KMT2B: variants seen among roughly 807,000 people sequenced by gnomAD.
The protein encoded by KMT2B is lysine methyltransferase 2B, also known as histone-lysine N-methyltransferase 2B.
In KMT2B, 22 loss-of-function variants were observed where a neutral mutation model predicts 255.3. That is an observed-to-expected ratio of 0.09 (90% CI 0.06 to 0.12). The LOEUF (loss-of-function observed/expected upper bound fraction) is 0.12. Among genes scored for constraint, KMT2B ranks in the 10% least tolerant of loss-of-function variants. The pLI, the probability that KMT2B is intolerant of heterozygous loss-of-function variation, is 1.00. For synonymous variants in KMT2B, 1,730 were observed against 1,498.1 expected, an observed-to-expected ratio of 1.15 and a Z score of -3.57; for missense variants, 3,149 against 3,737.0, an observed-to-expected ratio of 0.84 and a Z score of 4.10.
Position 35,719,451 on chromosome 19 carries a change from C to G in KMT2B, c.364-18C>G, listed in dbSNP as rs772084249. 1 of 1,564,472 alleles carries G rather than the reference C, an allele frequency of 6.4e-7. No individual in the cohort carries two copies. Among genetic ancestry groups the G allele is most frequent in the African/African-American group, 1.4e-5 (1 of 73,678 alleles). ...ACTGACTGCTGTTTCTCCCCTCCAC[C>G]CCGGTCCCCTAAATCAGGAGTTTCA... is the stretch of plus-strand genomic sequence containing the variant. On this transcript the variant is annotated intron_variant, in intron 1 of 36. Coordinates refer to ENST00000420124, the MANE Select transcript of KMT2B (RefSeq NM_014727.3).
At position 35,727,605 on chromosome 19, in the gene KMT2B, C is replaced by T. The variant is rs1969513318; in HGVS notation, c.4285C>T (p.Leu1429=). 1.2e-6 allele frequency: 2 copies of T among 1,607,328 alleles called. No homozygotes were observed. Among genetic ancestry groups the T allele is most frequent in the African/African-American group, 1.3e-5 (1 of 74,840 alleles). Residue 1429 remains leucine, a synonymous_variant, in exon 16 of 37, where the codon CTG becomes TTG. Coordinates refer to ENST00000420124, the MANE Select transcript of KMT2B (RefSeq NM_014727.3). The surrounding 1 kb of genome is among the most constrained non-coding windows in gnomAD (Gnocchi z 4.2). ...GCTGAGCTCCAAGGTGGTGGGCCCA[C>T]TGCTGCTCTGCACCCAGGTCTGGAG... ...GLLSSKVVGP[L]LLCTQCGPDG...
At chr19:35,726,467 G>C (rs1259063550) in intron 14 of KMT2B, 114 bp downstream of exon 14, 3 of 721,618 alleles carry the variant, frequency 4.2e-6, no homozygotes, top group Non-Finnish European at 5.0e-6. Context: ...TGTAGCTATG[G>C]GACTATCTCT....
At chr19:35,728,628 G>C (rs1969562225) in intron 19 of KMT2B, 146 bp from the exon 20 acceptor site, 3 of 664,598 alleles carry the variant, frequency 4.5e-6, no homozygotes, top group Non-Finnish European at 8.2e-6. Context: ...TGGCACAAGA[G>C]GGCCTGGCTT....
In KMT2B at chr19:35,727,057, T is replaced by C. The variant is rs1482048121; in HGVS notation, c.4004-99T>C. On this transcript the variant is annotated intron_variant, in intron 14 of 36. Transcript: ENST00000420124. This position sits in a 1 kb window ranked among gnomAD's most constrained non-coding sequence, Gnocchi z 4.2. ...CTAGTAGGGGCCCAAAACAGGGGCATAGTGGAGGCAGCTAAGGTACTGCTA... is the reference window on the plus strand; with the variant it reads ...CTAGTAGGGGCCCAAAACAGGGGCACAGTGGAGGCAGCTAAGGTACTGCTA... The C allele has an allele frequency of 1.5e-6, 1 of 684,734 alleles. No individual in the cohort carries two copies. Among genetic ancestry groups the C allele is most frequent in the Non-Finnish European group, 2.5e-6 (1 of 406,800 alleles). 42.4% of individuals were successfully genotyped at this position (684,734 alleles called of 1,614,324 possible).
chr19:35,738,775 T>C lies in KMT2B; in HGVS notation c.*218T>C, dbSNP rs1051627364. 19 of 598,554 alleles carry C rather than the reference T, an allele frequency of 3.2e-5. No individual in the cohort carries two copies. The highest frequency in any genetic ancestry group is 7.4e-5 in the African/African-American group (4 of 53,890). The allele number at this position is 598,554 out of a possible 1,614,324, so 37.1% of individuals were successfully genotyped here. A position where few individuals can be genotyped will look rare whatever the true frequency, so the allele number is the denominator to read the frequency against. ...GCCCTGGGGGCCCAGGATGTAGATA[T>C]TGTACAAAGGTTTCTAAATCCCTTC... On this transcript the variant is annotated 3_prime_UTR_variant, in exon 37 of 37. Coordinates refer to ENST00000420124, the MANE Select transcript of KMT2B (RefSeq NM_014727.3). The surrounding 1 kb of genome is among the most constrained non-coding windows in gnomAD (Gnocchi z 8.7).
Position 35,721,598 on chromosome 19 carries a change from C to A in KMT2B, c.2251C>A (p.Gln751Lys). 6.2e-7 allele frequency: 1 copy of A among 1,612,546 alleles called. No homozygotes were observed. Among genetic ancestry groups the A allele is most frequent in the East Asian group, 2.2e-5 (1 of 44,858 alleles). ...GGCCTTGCAAACCCAGCTCCTGCCC[C>A]AGGCACTACCGCCACCACAGCCACA... ...LQALQTQLLPQALPPPQPQLQ... is the reference protein window; with the variant it reads ...LQALQTQLLPKALPPPQPQLQ... The change falls in exon 3 of 37, where the codon CAG (glutamine) becomes AAG (lysine). Residue 751 changes from glutamine to lysine, a missense_variant. By Grantham distance (53) the Gln-to-Lys change is moderately conservative. This residue lies in a region of KMT2B where 1,188 missense variants were observed against 1,106.4 expected (regional missense o/e 1.07). Coordinates refer to ENST00000420124, the MANE Select transcript of KMT2B (RefSeq NM_014727.3).
At chr19:35,726,701 A>G (rs963838904) in intron 14 of KMT2B, among the ~76,000 whole-genome samples, 1 of 152,172 alleles carries the variant, frequency 6.6e-6, no homozygotes, top group African/African-American at 2.4e-5. Flanking sequence ...CCTCATCCTA[A>G]GGCCGAGCAC....
Position 35,737,802 on chromosome 19 carries a change from G to C in KMT2B, c.7659-57G>C, listed in dbSNP as rs993263728. On this transcript the variant is annotated intron_variant, in intron 34 of 36. Transcript: ENST00000420124. This position sits in a 1 kb window ranked among gnomAD's most constrained non-coding sequence, Gnocchi z 5.3. ...CTGGAAGGGTCTTAGAGAGTGAGCA[G>C]GGGTGAGAGAGGTCATTCTGAGCAC... 3 of 1,548,968 alleles carry C rather than the reference G, an allele frequency of 1.9e-6. No homozygotes were observed. The highest frequency in any genetic ancestry group is 2.4e-5 in the South Asian group (2 of 84,250).
Position 35,737,861 on chromosome 19 carries a change from G to A in KMT2B, c.7661G>A (p.Arg2554His), listed in dbSNP as rs1377607028. The A allele has an allele frequency of 6.4e-7, 1 of 1,569,830 alleles. No homozygotes were observed. ...EDEVQLRSTR[R>H]ATSLELPMAM... is the part of the protein sequence containing the mutation. ...GTGACACTGCTGTCCCTCACCAGAC[G>A]TGCCACCAGCCTGGAGCTGCCCATG... The change falls in exon 35 of 37, where the codon CGT becomes CAT. Residue 2554 changes from arginine to histidine, a missense_variant and splice_region_variant. By Grantham distance (29) the Arg-to-His change is conservative (BLOSUM62 0). Coordinates refer to ENST00000420124, the MANE Select transcript of KMT2B (RefSeq NM_014727.3). This position sits in a 1 kb window ranked among gnomAD's most constrained non-coding sequence, Gnocchi z 5.3.
Position 35,736,432 on chromosome 19 carries a change from A to G in KMT2B, c.7160-258A>G, listed in dbSNP as rs138706867. ...GCCATAGGCGTGTCCTGAAGAGCCA[A>G]AAGGCCCCAAGCCTCTGTGGAATGC... On this transcript the variant is annotated intron_variant, in intron 30 of 36. Coordinates refer to ENST00000420124, the MANE Select transcript of KMT2B (RefSeq NM_014727.3). The G allele has an allele frequency of 1.1e-4, 57 of 497,120 alleles. No individual in the cohort carries two copies. The East Asian group carries it at 1.7e-3, about 15-fold the overall frequency. 30.8% of individuals were successfully genotyped at this position (497,120 alleles called of 1,614,324 possible). A position where few individuals can be genotyped will look rare whatever the true frequency, so the allele number is the denominator to read the frequency against.
In KMT2B at chr19:35,727,863, T is replaced by C; in HGVS notation, c.4393-18T>C. The C allele has an allele frequency of 6.2e-7, 1 of 1,611,178 alleles. No individual in the cohort carries two copies. The highest frequency in any genetic ancestry group is 8.5e-7 in the Non-Finnish European group (1 of 1,177,992). ...AATTGTGCAGAGGGGACTCAGTCTC[T>C]GACAAACCCCCTTACAGCACAGCTT... On this transcript the variant is annotated intron_variant, in intron 17 of 36. Coordinates refer to ENST00000420124, the MANE Select transcript of KMT2B (RefSeq NM_014727.3). The surrounding 1 kb of genome is among the most constrained non-coding windows in gnomAD (Gnocchi z 4.2).
Position 35,733,319 on chromosome 19 carries a change from C to A in KMT2B, c.6770C>A (p.Pro2257His). 1.3e-6 allele frequency: 2 copies of A among 1,516,462 alleles called. No individual in the cohort carries two copies. Among genetic ancestry groups the A allele is most frequent in the East Asian group, 2.5e-5 (1 of 40,666 alleles). The allele number at this position is 1,516,462 out of a possible 1,614,324, so 93.9% of individuals were successfully genotyped here. A position where few individuals can be genotyped will look rare whatever the true frequency, so the allele number is the denominator to read the frequency against. ...GVVRPAPPPPPPPLTLVLSSG... is the reference protein window; with the variant it reads ...GVVRPAPPPPHPPLTLVLSSG... The stretch of plus-strand genomic sequence containing the variant: ...GTCCGCCCTGCCCCGCCCCCGCCAC[C>A]CCCTCCCCTGACGCTGGTGCTGAGC... The change falls in exon 28 of 37, where the codon CCC becomes CAC. Residue 2257 changes from proline (P) to histidine (H), a missense_variant. This residue lies in a region of KMT2B where 897 missense variants were observed against 825.3 expected (regional missense o/e 1.09). Coordinates refer to ENST00000420124, the MANE Select transcript of KMT2B (RefSeq NM_014727.3). The surrounding 1 kb of genome is among the most constrained non-coding windows in gnomAD (Gnocchi z 4.3).
rs372900103 is a variant in KMT2B, at chr19:35,729,993, C to T, written c.4944C>T (p.Gly1648=). Residue 1648 remains glycine (G), a synonymous_variant, in exon 23 of 37, where the codon GGC becomes GGT. Transcript: ENST00000420124. Reference sequence around the variant, plus strand: ...GCTGCGAGCTCTGCCTGAAGCCTGGCGCCACGGTGGGCTGCTGCCTGTCCT... The same window carrying T: ...GCTGCGAGCTCTGCCTGAAGCCTGGTGCCACGGTGGGCTGCTGCCTGTCCT... ...QMRCELCLKP[G]ATVGCCLSSC... The T allele has an allele frequency of 5.2e-5, 84 of 1,613,332 alleles. No homozygotes were observed. Among genetic ancestry groups the T allele is most frequent in the Admixed American group, 2.8e-4 (17 of 59,980 alleles).
At position 35,720,848 on chromosome 19, in the gene KMT2B, A is replaced by C. The variant is rs1599670572; in HGVS notation, c.1501A>C (p.Thr501Pro). Residue 501 changes from threonine to proline, a missense_variant, in exon 3 of 37, where the codon ACC becomes CCC. Transcript: ENST00000420124. ...GTSPPTPTPS[T>P]ATGGPPEDSP... ...CTCTCCTCCCACTCCAACCCCCAGC[A>C]CCGCCACGGGAGGCCCTCCGGAAGA... 2 of 1,567,862 alleles carry C rather than the reference A, an allele frequency of 1.3e-6. No individual in the cohort carries two copies. Among genetic ancestry groups the C allele is most frequent in the Non-Finnish European group, 1.7e-6 (2 of 1,156,554 alleles).
Position 35,727,961 on chromosome 19 carries a change from C to T in KMT2B, c.4473C>T (p.Gly1491=), listed in dbSNP as rs199717619. 1.4e-5 allele frequency: 22 copies of T among 1,578,080 alleles called. No individual in the cohort carries two copies. In the Admixed American group the frequency reaches 3.6e-4, roughly 26 times the overall value. ...EGETPDRRAG[G]QMKGLLLKLL... Reference sequence around the variant, plus strand: ...AGACCCCGGACCGCCGGGCTGGAGGCCAGATGAAGGGGCTCCTGCTGAAGG... The same window carrying T: ...AGACCCCGGACCGCCGGGCTGGAGGTCAGATGAAGGGGCTCCTGCTGAAGG... The change falls in exon 18 of 37, where the codon GGC becomes GGT. Residue 1491 remains glycine, a synonymous_variant. Coordinates refer to ENST00000420124, the MANE Select transcript of KMT2B (RefSeq NM_014727.3). The surrounding 1 kb of genome is among the most constrained non-coding windows in gnomAD (Gnocchi z 4.2).
At chr19:35,722,242 A>G (rs968365078) in intron 3 of KMT2B, 117 bp from the exon 4 acceptor site, 2 of 1,042,588 alleles carry the variant, frequency 1.9e-6, no homozygotes, top group Non-Finnish European at 2.7e-6. Flanking sequence ...TGACCTCGTG[A>G]TCTGCCCGTC....
chr19:35,727,941 C>A lies in KMT2B; in HGVS notation c.4453C>A (p.Pro1485Thr). 6.3e-7 allele frequency: 1 copy of A among 1,591,002 alleles called. No individual in the cohort carries two copies. Among genetic ancestry groups the A allele is most frequent in the Non-Finnish European group, 8.6e-7 (1 of 1,166,916 alleles). ...LMRHSEEGET[P>T]DRRAGGQMKG... Reference sequence around the variant, plus strand: ...GCGGCACTCGGAGGAGGGAGAGACCCCGGACCGCCGGGCTGGAGGCCAGAT... The same window carrying A: ...GCGGCACTCGGAGGAGGGAGAGACCACGGACCGCCGGGCTGGAGGCCAGAT... Residue 1485 changes from proline (P) to threonine (T), a missense_variant, in exon 18 of 37, where the codon CCG (proline) becomes ACG (threonine). Physicochemically the swap from Pro to Thr is conservative, Grantham distance 38. Transcript: ENST00000420124. This position sits in a 1 kb window ranked among gnomAD's most constrained non-coding sequence, Gnocchi z 4.2.
At chr19:35,722,744 G>A (rs991956350) in intron 5 of KMT2B, 26 bp downstream of exon 5, 8 of 1,560,432 alleles carry the variant, frequency 5.1e-6, no homozygotes, top group African/African-American at 2.7e-5. Context: ...GGACAGCCAT[G>A]TCAGGTTTGG....
In KMT2B at chr19:35,720,491, G is replaced by A. The variant is rs1037647381; in HGVS notation, c.1144G>A (p.Glu382Lys). 1.7e-5 allele frequency: 26 copies of A among 1,543,746 alleles called. No homozygotes were observed. Among genetic ancestry groups the A allele is most frequent in the Middle Eastern group, 1.7e-4 (1 of 6,000 alleles). ...EEKDKEGEEK[E>K]ERAVAEEMMP... ...AAAAGACAAGGAGGGAGAAGAGAAG[G>A]AAGAAAGAGCTGTAGCTGAGGAGAT... is the stretch of plus-strand genomic sequence containing the variant. Residue 382 changes from glutamate (E) to lysine (K), a missense_variant, in exon 3 of 37, where the codon GAA becomes AAA. By Grantham distance (56) the Glu-to-Lys change is moderately conservative. Around this residue, in one of 18 missense-constraint regions of KMT2B, gnomAD observed 1,188 missense variants for 1,106.4 expected, o/e 1.07. Coordinates refer to ENST00000420124, the MANE Select transcript of KMT2B (RefSeq NM_014727.3).
Sources: gnomAD v4.1 joint callset for allele counts (sites outside exome capture counted in the v4.1 genomes callset) on GRCh38, gnomAD v4.1.1 for gene constraint, gnomAD v4.1.1 regional missense constraint, Gnocchi (gnomAD v3.1) non-coding constraint, MANE v1.5 for transcripts, NCBI Gene and HGNC (gene_info 2026-07-23, HGNC 2026-07-21) for gene names.